FAM107B: variants seen among roughly 807,000 people sequenced by gnomAD.
FAM107B encodes family with sequence similarity 107 member B, also known as protein FAM107B.
FAM107B carries 21 observed loss-of-function variants against 31.5 expected under a neutral mutation model. That is an observed-to-expected ratio of 0.67 (90% CI 0.47 to 0.96). The LOEUF is 0.96. Among genes scored for constraint, FAM107B ranks in the 40% least tolerant of loss-of-function variants. The pLI is 0.00. For synonymous variants in FAM107B, 157 were observed against 141.5 expected, an observed-to-expected ratio of 1.11 and a Z score of -0.78; for missense variants, 452 against 377.1, an observed-to-expected ratio of 1.20 and a Z score of -1.64.
At chr10:14,724,688 GA>G (rs370850763) in intron 1 of FAM107B, among the ~76,000 whole-genome samples, 271 of 142,488 alleles carry the variant, frequency 1.9e-3, no homozygotes, top group African/African-American at 6.1e-3. Flanking sequence ...ATCCCAGAAG[GA>G]AAAAAAAAAA....
chr10:14,561,209 T>C (rs1314676494), intron 2 of FAM107B, among the ~76,000 whole-genome samples: 1 of 152,206 alleles, frequency 6.6e-6, no homozygotes, highest in African/African-American at 2.4e-5. Flanking sequence ...CACAACAACA[T>C]GGGCCTAGCA....
At chr10:14,581,494 C>G (rs1401332657) in intron 2 of FAM107B, among the ~76,000 whole-genome samples, 1 of 152,222 alleles carries the variant, frequency 6.6e-6, no homozygotes, top group Non-Finnish European at 1.5e-5. Context: ...GCCTGAAAGA[C>G]GTTCGTTCAG....
chr10:14,590,882 G>C (rs1851994048), intron 2 of FAM107B, among the ~76,000 whole-genome samples: 1 of 149,506 alleles, frequency 6.7e-6, no homozygotes, highest in Non-Finnish European at 1.5e-5. Flanking sequence ...CCAGCTACTT[G>C]AGAGGCTGAG....
chr10:14,741,761 C>T (rs1361572534), intron 1 of FAM107B, among the ~76,000 whole-genome samples: 3 of 141,944 alleles, frequency 2.1e-5, no homozygotes, highest in Non-Finnish European at 4.5e-5. Context: ...CGCTCTGTCG[C>T]CCAGGCTGGA....
chr10:14,723,926 C>A, intron 1 of FAM107B: 2 of 751,650 alleles, frequency 2.7e-6, no homozygotes, highest in Non-Finnish European at 4.9e-6. Flanking sequence ...TAGATGCCAT[C>A]ACTTTTCCTT....
intron 1 of FAM107B, among the ~76,000 whole-genome samples, chr10:14,685,152 T>TA (rs1339887167): frequency 2.0e-5 from 3 of 149,372 alleles, no homozygotes; most frequent in African/African-American, 7.4e-5. Context: ...ATTTTTTTTT[T>TA]TTTTTTTTTT....
intron 1 of FAM107B, among the ~76,000 whole-genome samples, chr10:14,736,007 T>C (rs1409843585): frequency 6.6e-6 from 1 of 152,110 alleles, no homozygotes; most frequent in Non-Finnish European, 1.5e-5. Context: ...TAAAATATCA[T>C]GAGAGATTTT....
chr10:14,655,389 TC>T (rs1374464881), intron 2 of FAM107B, among the ~76,000 whole-genome samples: 1 of 152,238 alleles, frequency 6.6e-6, no homozygotes, highest in Non-Finnish European at 1.5e-5. Context: ...GGTTTTCTTT[TC>T]TTTTTTTTCT....
chr10:14,610,762 A>C (rs1852705672), intron 2 of FAM107B, among the ~76,000 whole-genome samples: 1 of 152,230 alleles, frequency 6.6e-6, no homozygotes, highest in Non-Finnish European at 1.5e-5. Context: ...AGTAAAGATG[A>C]GTATTGTCCC....
At chr10:14,683,333 C>T (rs955667252) in intron 1 of FAM107B, among the ~76,000 whole-genome samples, 2 of 152,154 alleles carry the variant, frequency 1.3e-5, no homozygotes, top group South Asian at 2.1e-4. Context: ...AGTTCTGCAA[C>T]GGAATGAGTG....
intron 2 of FAM107B, among the ~76,000 whole-genome samples, chr10:14,620,147 T>G (rs1454457652): frequency 2.6e-5 from 4 of 151,546 alleles, no homozygotes; most frequent in Admixed American, 2.6e-4. Context: ...GCCTCCTGGG[T>G]AGCTGGGACT....
At chr10:14,548,661 C>A in intron 2 of FAM107B, 1 of 985,388 alleles carries the variant, frequency 1.0e-6, no homozygotes, top group Non-Finnish European at 1.2e-6. Flanking sequence ...CCCAGAAGCC[C>A]CCGGGGGCCT....
At chr10:14,759,873 G>A (rs1037365740) in intron 1 of FAM107B, among the ~76,000 whole-genome samples, 3 of 151,922 alleles carry the variant, frequency 2.0e-5, no homozygotes, top group Non-Finnish European at 4.4e-5. Flanking sequence ...CAGCATGTCC[G>A]GCTAACTTAT....
At chr10:14,582,666 C>T (rs987130354) in intron 2 of FAM107B, among the ~76,000 whole-genome samples, 15 of 152,232 alleles carry the variant, frequency 9.9e-5, no homozygotes, top group Admixed American at 4.6e-4. Flanking sequence ...CGTGAGCCAC[C>T]ACACCCAGCC....
At chr10:14,530,137 C>T (rs1309908770) in intron 3 of FAM107B, 195 bp downstream of exon 3, 7 of 593,456 alleles carry the variant, frequency 1.2e-5, no homozygotes, top group Non-Finnish European at 2.1e-5. Flanking sequence ...CTGGCCACCA[C>T]AGTGATGGCC....
intron 2 of FAM107B, among the ~76,000 whole-genome samples, chr10:14,662,792 C>A (rs1387742802): frequency 6.6e-6 from 1 of 152,054 alleles, no homozygotes; most frequent in African/African-American, 2.4e-5. Flanking sequence ...GAGGAGGGAA[C>A]CCCACTGTGA....
intron 1 of FAM107B, among the ~76,000 whole-genome samples, chr10:14,718,198 G>A (rs1473036709): frequency 2.0e-5 from 3 of 152,078 alleles, no homozygotes; most frequent in South Asian, 2.1e-4. Flanking sequence ...GTGGTGGCAC[G>A]CACCTGTAGT....
chr10:14,707,490 C>T (rs1855549247), intron 1 of FAM107B, among the ~76,000 whole-genome samples: 1 of 152,164 alleles, frequency 6.6e-6, no homozygotes. Context: ...CAGGATCACC[C>T]AGCAGGATGC....
rs965463330 is a variant in FAM107B, at chr10:14,632,605, T to C, written c.469+35029A>G. ...CAGCCTGGGCAACAAGGCAAGACTCTGTCTCAAAAAAAAAAAAAAAAAAGA... is the reference window on the plus strand; with the variant it reads ...CAGCCTGGGCAACAAGGCAAGACTCCGTCTCAAAAAAAAAAAAAAAAAAGA... On this transcript the variant is annotated intron_variant, in intron 2 of 4. Transcript: ENST00000181796. Among the ~76,000 whole-genome samples, 2 of 132,858 alleles carry C rather than the reference T, an allele frequency of 1.5e-5. 1 individual carries two copies. 87.2% of individuals were successfully genotyped at this position (132,858 alleles called of 152,430 possible). A position where few individuals can be genotyped will look rare whatever the true frequency, so the allele number is the denominator to read the frequency against.
Sources: gnomAD v4.1 joint callset for allele counts (sites outside exome capture counted in the v4.1 genomes callset) on GRCh38, gnomAD v4.1.1 for gene constraint, MANE v1.5 for transcripts, NCBI Gene and HGNC (gene_info 2026-07-23, HGNC 2026-07-21) for gene names.